GPC5: variants seen among roughly 807,000 people sequenced by gnomAD.
GPC5 encodes the protein glypican 5.
A neutral mutation model predicts 53.9 loss-of-function variants in GPC5; 47 were observed. That is an observed-to-expected ratio of 0.87 (90% CI 0.69 to 1.11). The LOEUF (loss-of-function observed/expected upper bound fraction) is 1.11. Ranked by LOEUF, GPC5 falls within the 50% of genes most tolerant of loss-of-function variation. The pLI is 0.00. For synonymous variants in GPC5, 286 were observed against 263.3 expected, an observed-to-expected ratio of 1.09 and a Z score of -0.84; for missense variants, 748 against 713.1, an observed-to-expected ratio of 1.05 and a Z score of -0.56.
chr13:92,212,895 G>A (rs1247617774), intron 7 of GPC5, among the ~76,000 whole-genome samples: 2 of 152,160 alleles, frequency 1.3e-5, no homozygotes, highest in Non-Finnish European at 2.9e-5. Context: ...AACATTGCAT[G>A]TATCATCTCT....
intron 7 of GPC5, among the ~76,000 whole-genome samples, chr13:92,717,086 G>A (rs114066938): frequency 0.012 from 1,843 of 151,814 alleles, 43 homozygotes; most frequent in African/African-American, 0.042. Flanking sequence ...GGGCAAGACC[G>A]TAAAACTTCT....
intron 6 of GPC5, among the ~76,000 whole-genome samples, chr13:92,117,903 G>A (rs1489718967): frequency 2.6e-5 from 4 of 152,064 alleles, no homozygotes; most frequent in Non-Finnish European, 5.9e-5. Context: ...AAACAGGTTT[G>A]TTTCTTCCTT....
chr13:92,700,958 A>T (rs1338006522), intron 7 of GPC5, among the ~76,000 whole-genome samples: 1 of 151,976 alleles, frequency 6.6e-6, no homozygotes, highest in Non-Finnish European at 1.5e-5. Context: ...GTTTTGTGTT[A>T]GTTTCTGATT....
intron 2 of GPC5, among the ~76,000 whole-genome samples, chr13:91,566,052 C>G (rs2031510731): frequency 1.3e-5 from 2 of 152,046 alleles, no homozygotes; most frequent in South Asian, 4.1e-4. Flanking sequence ...CACAGTAATC[C>G]AGCATCATCT....
In GPC5 at chr13:92,131,668, G is replaced by A. The variant is rs147098376; in HGVS notation, c.1402-13162G>A. Among the ~76,000 whole-genome samples the A allele has an allele frequency of 6.0e-3, 918 of 152,056 alleles. 10 individuals are homozygous for A. Among genetic ancestry groups the A allele is most frequent in the African/African-American group, 0.021 (889 of 41,514 alleles). On this transcript the variant is annotated intron_variant, in intron 6 of 7. Transcript: ENST00000377067. ...AATGAATCTATGTAAACAGAGGTCA[G>A]TATAGGAGTTACCTTTTTTTGGGTT...
At chr13:91,463,118 G>GC (rs924286585) in intron 2 of GPC5, among the ~76,000 whole-genome samples, 27 of 151,814 alleles carry the variant, frequency 1.8e-4, no homozygotes, top group Non-Finnish European at 5.9e-5. Flanking sequence ...AGAAGCTCAG[G>GC]CCCCCCATAT....
intron 7 of GPC5, among the ~76,000 whole-genome samples, chr13:92,854,605 A>G (rs1194930846): frequency 1.3e-5 from 2 of 151,974 alleles, no homozygotes; most frequent in Non-Finnish European, 2.9e-5. Flanking sequence ...AGCTGAAAAA[A>G]TATCACTGAC....
intron 7 of GPC5, among the ~76,000 whole-genome samples, chr13:92,743,741 T>C (rs1012568940): frequency 2.0e-5 from 3 of 152,224 alleles, no homozygotes; most frequent in South Asian, 2.1e-4. Flanking sequence ...ATAGCTCTTA[T>C]TATTTTGATA....
intron 7 of GPC5, among the ~76,000 whole-genome samples, chr13:92,168,391 G>A (rs2042046538): frequency 6.6e-6 from 1 of 152,142 alleles, no homozygotes; most frequent in Non-Finnish European, 1.5e-5. Context: ...TCTCATCAGA[G>A]TGAACAGGCA....
At position 91,443,515 on chromosome 13, in the gene GPC5, T is replaced by G. The variant is rs1172128141; in HGVS notation, c.164-5246T>G. Among the ~76,000 whole-genome samples, 4 of 152,198 alleles carry G rather than the reference T, an allele frequency of 2.6e-5. No homozygotes were observed. The East Asian group carries it at 5.8e-4, about 22-fold the overall frequency. On this transcript the variant is annotated intron_variant, in intron 1 of 7. Coordinates refer to ENST00000377067, the MANE Select transcript of GPC5 (RefSeq NM_004466.6). ...GGTAGCCCAAGCAGACTAACACAGCTTCTGTGTTCTTTTGATATGGCCTGG... is the reference window on the plus strand; with the variant it reads ...GGTAGCCCAAGCAGACTAACACAGCGTCTGTGTTCTTTTGATATGGCCTGG...
chr13:91,902,036 G>T (rs1247483642), intron 5 of GPC5, among the ~76,000 whole-genome samples: 1 of 151,886 alleles, frequency 6.6e-6, no homozygotes, highest in Non-Finnish European at 1.5e-5. Flanking sequence ...CTTACATTCT[G>T]TCCCAGTCCA....
intron 7 of GPC5, among the ~76,000 whole-genome samples, chr13:92,174,926 C>T (rs980766665): frequency 3.9e-5 from 6 of 152,286 alleles, no homozygotes; most frequent in East Asian, 1.9e-4. Flanking sequence ...CTCAGCTCAT[C>T]GCAACCTCTG....
chr13:91,442,018 G>C (rs1255591685), intron 1 of GPC5, among the ~76,000 whole-genome samples: 1 of 152,176 alleles, frequency 6.6e-6, no homozygotes, highest in Non-Finnish European at 1.5e-5. Flanking sequence ...AAGTTCACTA[G>C]AGGAGAGGTA....
At chr13:92,090,010 G>C (rs9589425) in intron 6 of GPC5, among the ~76,000 whole-genome samples, 4 of 152,014 alleles carry the variant, frequency 2.6e-5, no homozygotes, top group Admixed American at 2.6e-4. Flanking sequence ...CATGTCCCAG[G>C]CACTGTTAAA....
intron 5 of GPC5, among the ~76,000 whole-genome samples, chr13:91,894,434 G>A (rs1187250577): frequency 6.6e-6 from 1 of 152,160 alleles, no homozygotes; most frequent in Non-Finnish European, 1.5e-5. Context: ...GCAAAAACAA[G>A]CTTGGAGATT....
chr13:92,500,010 A>G (rs1473477400), intron 7 of GPC5, among the ~76,000 whole-genome samples: 2 of 152,218 alleles, frequency 1.3e-5, no homozygotes, highest in Non-Finnish European at 2.9e-5. Flanking sequence ...AGATTGGAAA[A>G]AAACAGAATT....
At chr13:92,264,894 G>C (rs201817055) in intron 7 of GPC5, among the ~76,000 whole-genome samples, 10,881 of 143,416 alleles carry the variant, frequency 0.076, 650 homozygotes, top group African/African-American at 0.18. Context: ...GTGTGTGTGT[G>C]TGTGTGTGTG....
At chr13:92,662,409 T>G (rs1450951681) in intron 7 of GPC5, among the ~76,000 whole-genome samples, 1 of 152,162 alleles carries the variant, frequency 6.6e-6, no homozygotes, top group Non-Finnish European at 1.5e-5. Context: ...AGACTTTCCT[T>G]CCATTAATCT....
chr13:92,759,375 G>A (rs1594486841), intron 7 of GPC5, among the ~76,000 whole-genome samples: 1 of 151,880 alleles, frequency 6.6e-6, no homozygotes, highest in African/African-American at 2.4e-5. Flanking sequence ...CAGGAGCAAT[G>A]GGATATCTTT....
Sources: allele counts gnomAD v4.1 joint callset (sites outside exome capture counted in the v4.1 genomes callset), GRCh38; gene constraint gnomAD v4.1.1; transcripts MANE v1.5; gene names NCBI Gene and HGNC (gene_info 2026-07-23, HGNC 2026-07-21).